OR1J2: variants seen among roughly 807,000 people sequenced by gnomAD.
OR1J2 encodes olfactory receptor 1J2.
For missense variants in OR1J2, 304 were observed against 246.1 expected, an observed-to-expected ratio of 1.24 and a Z score of -1.57; for synonymous variants, 142 against 99.7, an observed-to-expected ratio of 1.42 and a Z score of -2.52.
chr9:122,504,179 G>A, the OR1J2 span, among the ~76,000 whole-genome samples: 1 of 152,306 alleles, frequency 6.6e-6, no homozygotes, highest in African/African-American at 2.4e-5. Context: ...CAATTCTCAG[G>A]TTCTGTCACT....
chr9:122,503,821 C>T, the OR1J2 span, among the ~76,000 whole-genome samples: 3 of 152,198 alleles, frequency 2.0e-5, no homozygotes, highest in Admixed American at 1.3e-4. Context: ...GTATACTGCA[C>T]AATAACTTTT....
chr9:122,448,763 T>C, the OR1J2 span, among the ~76,000 whole-genome samples: 1 of 152,152 alleles, frequency 6.6e-6, no homozygotes, highest in Non-Finnish European at 1.5e-5. Flanking sequence ...CTTGATTCCA[T>C]ACAACACATG....
chr9:122,471,782 A>G, the OR1J2 span, among the ~76,000 whole-genome samples: 1 of 152,174 alleles, frequency 6.6e-6, no homozygotes, highest in Non-Finnish European at 1.5e-5. Context: ...AATAATTCTG[A>G]AACAATTACT....
chr9:122,575,737 C>T, the OR1J2 span, among the ~76,000 whole-genome samples: 7,539 of 152,162 alleles, frequency 0.05, 294 homozygotes, highest in South Asian at 0.17. Flanking sequence ...TCTATAATCT[C>T]ACAGTTACTT....
At chr9:122,565,662 C>A in the OR1J2 span, among the ~76,000 whole-genome samples, 1 of 152,158 alleles carries the variant, frequency 6.6e-6, no homozygotes, top group Non-Finnish European at 1.5e-5. Context: ...GTATGGATCC[C>A]GTCACCCAGG....
At chr9:122,563,503 C>T in the OR1J2 span, among the ~76,000 whole-genome samples, 126 of 151,968 alleles carry the variant, frequency 8.3e-4, no homozygotes, top group African/African-American at 2.7e-3. Context: ...TTATATATTC[C>T]ACATATTAAC....
the OR1J2 span, among the ~76,000 whole-genome samples, chr9:122,482,895 C>T: frequency 6.6e-6 from 1 of 152,120 alleles, no homozygotes; most frequent in African/African-American, 2.4e-5. Context: ...AATTGGTCAA[C>T]AGCTACAAAG....
chr9:122,483,758 A>G, the OR1J2 span, among the ~76,000 whole-genome samples: 1 of 152,252 alleles, frequency 6.6e-6, no homozygotes, highest in Non-Finnish European at 1.5e-5. Context: ...AATCTGAATG[A>G]TAAGTACATT....
chr9:122,481,470 A>G, the OR1J2 span, among the ~76,000 whole-genome samples: 1 of 152,158 alleles, frequency 6.6e-6, no homozygotes, highest in Non-Finnish European at 1.5e-5. Context: ...CACATAGAGA[A>G]CTCCTATAAA....
the OR1J2 span, among the ~76,000 whole-genome samples, chr9:122,561,014 T>G: frequency 2.0e-5 from 3 of 152,202 alleles, no homozygotes; most frequent in Non-Finnish European, 4.4e-5. Flanking sequence ...TCTCAGAGGT[T>G]TTGCTCATCC....
At chr9:122,470,339 C>T in the OR1J2 span, among the ~76,000 whole-genome samples, 7 of 152,354 alleles carry the variant, frequency 4.6e-5, no homozygotes, top group South Asian at 1.2e-3. Flanking sequence ...GTGCAAGCTT[C>T]AAGCCTTGGC....
chr9:122,539,321 G>C, the OR1J2 span, among the ~76,000 whole-genome samples: 2 of 151,756 alleles, frequency 1.3e-5, no homozygotes, highest in African/African-American at 4.8e-5. Context: ...GTGTCCATGT[G>C]TTCTCATTGT....
At chr9:122,565,546 C>T in the OR1J2 span, among the ~76,000 whole-genome samples, 3 of 152,196 alleles carry the variant, frequency 2.0e-5, no homozygotes, top group Admixed American at 6.5e-5. Flanking sequence ...AGTCTGCCAG[C>T]AGCAGAGACC....
At chr9:122,484,717 G>GA in the OR1J2 span, among the ~76,000 whole-genome samples, 11 of 150,902 alleles carry the variant, frequency 7.3e-5, no homozygotes, top group East Asian at 1.9e-4. Flanking sequence ...AAGAGAAAAA[G>GA]AAAAAAAAAG....
the OR1J2 span, among the ~76,000 whole-genome samples, chr9:122,502,007 T>C: frequency 5.3e-5 from 8 of 152,340 alleles, no homozygotes. Context: ...TGAACTCCTG[T>C]CTGTTTGTAA....
the OR1J2 span, among the ~76,000 whole-genome samples, chr9:122,505,551 G>T: frequency 1.3e-5 from 2 of 152,164 alleles, no homozygotes; most frequent in Non-Finnish European, 1.5e-5. Context: ...GAAGGGGACA[G>T]ACATTCAAAC....
At chr9:122,529,595 A>G in the OR1J2 span, among the ~76,000 whole-genome samples, 1 of 152,112 alleles carries the variant, frequency 6.6e-6, no homozygotes, top group Non-Finnish European at 1.5e-5. Flanking sequence ...ACTCTGCACC[A>G]TCTCTTGCTC....
the OR1J2 span, among the ~76,000 whole-genome samples, chr9:122,538,646 G>T: frequency 6.6e-6 from 1 of 152,104 alleles, no homozygotes; most frequent in Non-Finnish European, 1.5e-5. Flanking sequence ...TGATTGCTCT[G>T]GCTAGGACTT....
chr9:122,559,347 G>A, the OR1J2 span, among the ~76,000 whole-genome samples: 1 of 151,986 alleles, frequency 6.6e-6, no homozygotes, highest in East Asian at 1.9e-4. Context: ...TACATGTGCA[G>A]AATGTGCAGG....
Sources: allele counts gnomAD v4.1 joint callset (sites outside exome capture counted in the v4.1 genomes callset), GRCh38; gene constraint gnomAD v4.1.1; transcripts MANE v1.5; gene names NCBI Gene and HGNC (gene_info 2026-07-23, HGNC 2026-07-21).